The following ADAMTS3 variants were observed in gnomAD, a reference collection of about 807,000 sequenced individuals.
ADAMTS3 encodes A disintegrin and metalloproteinase with thrombospondin motifs 3.
Under a neutral mutation model 129.0 loss-of-function variants are expected in ADAMTS3, and 73 were observed. That is an observed-to-expected ratio of 0.57 (90% CI 0.47 to 0.69). The LOEUF is 0.69. ADAMTS3 is among the 30% of genes least tolerant of loss of function. ADAMTS3 has a pLI of 0.00. For synonymous variants in ADAMTS3, 477 were observed against 510.8 expected (o/e 0.93, Z 0.89); for missense variants, 1,457 against 1,514.5 (o/e 0.96, Z 0.63).
chr4:72,322,903 G>T, intron 6 of ADAMTS3, 111 bp downstream of exon 6: 1 of 797,294 alleles, frequency 1.3e-6, no homozygotes, highest in East Asian at 2.5e-5. Flanking sequence ...GCAACTAGGG[G>T]TTTATATGGA....
intron 4 of ADAMTS3, among the ~76,000 whole-genome samples, chr4:72,384,163 T>C (rs1721375211): frequency 6.6e-6 from 1 of 152,074 alleles, no homozygotes; most frequent in Admixed American, 6.5e-5. Context: ...AGAGTTTCAG[T>C]TATCTGTGTA....
At chr4:72,493,347 T>C (rs1719794812) in intron 3 of ADAMTS3, among the ~76,000 whole-genome samples, 1 of 151,988 alleles carries the variant, frequency 6.6e-6, no homozygotes, top group Non-Finnish European at 1.5e-5. Flanking sequence ...TTTGTAGTGA[T>C]TTGCTTTGAT....
intron 3 of ADAMTS3, among the ~76,000 whole-genome samples, chr4:72,470,504 AC>A (rs1170262705): frequency 1.3e-5 from 2 of 151,260 alleles, no homozygotes; most frequent in African/African-American, 2.4e-5. Flanking sequence ...TAATACACAC[AC>A]ATTCTTAAAA....
rs754769289 is a variant in ADAMTS3, at chr4:72,316,692, AAAT to A, written c.1486-724_1486-722del. ...GTGACAACAGTGAGACACTATCTCA[AAAT>A]AATAATAATAATAATAATAATCATA... On this transcript the variant is annotated intron_variant, in intron 10 of 21. Transcript: ENST00000286657. Among the ~76,000 whole-genome samples, 769 of 97,844 alleles carry A rather than the reference AAAT, an allele frequency of 7.9e-3. 7 individuals are homozygous for A. Among genetic ancestry groups the A allele is most frequent in the African/African-American group, 0.018 (674 of 37,842 alleles). 64.2% of individuals were successfully genotyped at this position (97,844 alleles called of 152,430 possible).
intron 3 of ADAMTS3, among the ~76,000 whole-genome samples, chr4:72,517,479 G>C (rs996031513): frequency 1.6e-4 from 24 of 152,246 alleles, no homozygotes; most frequent in Admixed American, 4.6e-4. Context: ...ACTCTTTTTG[G>C]TTAGTAAGCT....
chr4:72,395,282 C>T (rs1721698811), intron 4 of ADAMTS3, among the ~76,000 whole-genome samples: 1 of 151,976 alleles, frequency 6.6e-6, no homozygotes, highest in African/African-American at 2.4e-5. Flanking sequence ...CAGTTATTTC[C>T]ACAAATTTTA....
intron 3 of ADAMTS3, among the ~76,000 whole-genome samples, chr4:72,498,037 A>G (rs995367743): frequency 6.6e-6 from 1 of 152,062 alleles, no homozygotes; most frequent in Non-Finnish European, 1.5e-5. Flanking sequence ...CTCTTTGTAC[A>G]TGCAGATGCT....
intron 3 of ADAMTS3, among the ~76,000 whole-genome samples, chr4:72,476,619 C>A (rs1719240947): frequency 6.6e-6 from 1 of 151,802 alleles, no homozygotes; most frequent in African/African-American, 2.4e-5. Flanking sequence ...ATTTACGAAG[C>A]TAAAATTACA....
chr4:72,339,694 C>T lies in ADAMTS3; in HGVS notation c.662-1G>A. 1.9e-6 allele frequency: 3 copies of T among 1,613,244 alleles called. No homozygotes were observed. The highest frequency in any genetic ancestry group is 2.5e-6 in the Non-Finnish European group (3 of 1,179,480). On this transcript the variant is annotated splice_acceptor_variant, in intron 4 of 21. Coordinates refer to ENST00000286657, the MANE Select transcript of ADAMTS3 (RefSeq NM_014243.3). LOFTEE classifies it high-confidence loss of function. Reference sequence around the variant, plus strand: ...TCATCAAGGCCTTCCAGGTCCGACTCTAATAAGAGACAAAAGGAACCAGGA... The same window carrying T: ...TCATCAAGGCCTTCCAGGTCCGACTTTAATAAGAGACAAAAGGAACCAGGA...
intron 4 of ADAMTS3, among the ~76,000 whole-genome samples, chr4:72,360,535 G>GTTT (rs10650390): frequency 0.028 from 4,178 of 151,368 alleles, 199 homozygotes; most frequent in African/African-American, 0.096. Context: ...GTAATGAATG[G>GTTT]TTTTTTTTGA....
In ADAMTS3 at chr4:72,313,821, C is replaced by CA. The variant is rs1488861091; in HGVS notation, c.1600dup (p.Trp534LeufsTer4). 1 of 1,613,436 alleles carries CA rather than the reference C, an allele frequency of 6.2e-7. No homozygotes were observed. The highest frequency in any genetic ancestry group is 8.5e-7 in the Non-Finnish European group (1 of 1,179,630). On this transcript the variant is annotated frameshift_variant and splice_region_variant, in exon 12 of 22. Coordinates refer to ENST00000286657, the MANE Select transcript of ADAMTS3 (RefSeq NM_014243.3). LOFTEE classifies it high-confidence loss of function. The stretch of plus-strand genomic sequence containing the variant: ...CCACATGCAATGACCCTTATAGCAC[C>CA]ACTTAGAAAAATGACAAAAGGTAAT...
chr4:72,569,079 T>G lies in ADAMTS3; in HGVS notation c.-317A>C. 2.5e-6 allele frequency: 1 copy of G among 404,248 alleles called. No homozygotes were observed. The highest frequency in any genetic ancestry group is 4.5e-6 in the Non-Finnish European group (1 of 224,482). The allele number at this position is 404,248 out of a possible 1,614,324, so 25.0% of individuals were successfully genotyped here. On this transcript the variant is annotated 5_prime_UTR_variant, in exon 1 of 22. It removes the in-frame stop codon of an upstream open reading frame in the 5' UTR. Coordinates refer to ENST00000286657, the MANE Select transcript of ADAMTS3 (RefSeq NM_014243.3). ...GGGAAGGGACGAGGGGCTTTCCAACTATCTCTGCCCAAAGCAGCTTTTTCG... is the reference window on the plus strand; with the variant it reads ...GGGAAGGGACGAGGGGCTTTCCAACGATCTCTGCCCAAAGCAGCTTTTTCG...
rs185571743 is a variant in ADAMTS3, at chr4:72,450,289, G to A, written c.505-35318C>T. Among the ~76,000 whole-genome samples the A allele has an allele frequency of 5.6e-4, 85 of 151,648 alleles. 1 individual carries two copies. The East Asian group carries it at 0.016, about 28-fold the overall frequency. On this transcript the variant is annotated intron_variant, in intron 3 of 21. Transcript: ENST00000286657. ...TTTTCATTTCACAGATGCACTGAACGGTACAATTGCCTTCGTGGTCATAAG... is the reference window on the plus strand; with the variant it reads ...TTTTCATTTCACAGATGCACTGAACAGTACAATTGCCTTCGTGGTCATAAG...
intron 4 of ADAMTS3, among the ~76,000 whole-genome samples, chr4:72,341,548 G>A (rs1471844626): frequency 1.3e-5 from 2 of 152,190 alleles, no homozygotes; most frequent in Non-Finnish European, 2.9e-5. Flanking sequence ...GATAGCTAGT[G>A]TACAAATATA....
At chr4:72,283,729 C>T (rs1312192633) in intron 21 of ADAMTS3, 25 bp from the exon 22 acceptor site, 2 of 1,513,872 alleles carry the variant, frequency 1.3e-6, no homozygotes, top group Admixed American at 4.1e-5. Context: ...AGAAAATAAA[C>T]TAACACTAGC....
chr4:72,541,320 C>A (rs979130655), intron 3 of ADAMTS3, among the ~76,000 whole-genome samples: 1 of 152,172 alleles, frequency 6.6e-6, no homozygotes, highest in Non-Finnish European at 1.5e-5. Flanking sequence ...GGTGTATTTA[C>A]CCAATGCCTG....
intron 15 of ADAMTS3, among the ~76,000 whole-genome samples, chr4:72,307,554 T>G (rs541326601): frequency 1.3e-5 from 2 of 152,178 alleles, no homozygotes; most frequent in East Asian, 3.9e-4. Flanking sequence ...GTCTTGTTGT[T>G]TCATTGACTA....
intron 4 of ADAMTS3, among the ~76,000 whole-genome samples, chr4:72,342,035 T>G (rs1376046688): frequency 2.6e-5 from 4 of 152,238 alleles, no homozygotes; most frequent in Non-Finnish European, 5.9e-5. Flanking sequence ...GAATTTGTCT[T>G]AGTAAAACTG....
At position 72,283,491 on chromosome 4, in the gene ADAMTS3, G is replaced by C; in HGVS notation, c.3263C>G (p.Ser1088Cys). 6.2e-7 allele frequency: 1 copy of C among 1,614,084 alleles called. No homozygotes were observed. Reference sequence around the variant, plus strand: ...GGTCTCTGAATGATAAGGAACCAAAGATGTAGGCATCACTAGAGATCTAGG... The same window carrying C: ...GGTCTCTGAATGATAAGGAACCAAACATGTAGGCATCACTAGAGATCTAGG... The part of the protein sequence containing the change: ...DLPRSLVMPT[S>C]LVPYHSETPA... Residue 1088 changes from serine to cysteine, a missense_variant, in exon 22 of 22, where the codon TCT becomes TGT. Transcript: ENST00000286657.
Sources: gnomAD v4.1 joint callset for allele counts (sites outside exome capture counted in the v4.1 genomes callset) on GRCh38, gnomAD v4.1.1 for gene constraint, MANE v1.5 for transcripts, NCBI Gene and HGNC (gene_info 2026-07-23, HGNC 2026-07-21) for gene names.